The following SYTL3 variants were observed in gnomAD, a reference collection of about 807,000 sequenced individuals.
The protein encoded by SYTL3 is synaptotagmin-like protein 3.
Under a neutral mutation model 82.1 loss-of-function variants are expected in SYTL3, and 88 were observed. The ratio of observed to expected loss-of-function variants is 1.07; its 90% confidence interval spans 0.90 to 1.28. The LOEUF (loss-of-function observed/expected upper bound fraction) is 1.28. Ranked by LOEUF, SYTL3 falls within the 50% of genes most tolerant of loss-of-function variation. The pLI is 0.00. For missense variants in SYTL3, 831 were observed against 757.6 expected (o/e 1.10, Z -1.14); for synonymous variants, 311 against 289.4 (o/e 1.07, Z -0.76).
At position 158,763,355 on chromosome 6, in the gene SYTL3, G is replaced by C. The variant is rs1166138235; in HGVS notation, c.1569G>C (p.Leu523=). Reference sequence around the variant, plus strand: ...AACTGAGACTGAAGTCGCCAGTCCTGAGGAAGCAGGCTTGCCCCCAGTGGA... The same window carrying C: ...AACTGAGACTGAAGTCGCCAGTCCTCAGGAAGCAGGCTTGCCCCCAGTGGA... ...QQKLRLKSPV[L]RKQACPQWKH... is the part of the protein sequence containing the mutation. The change falls in exon 17 of 18, where the codon CTG becomes CTC. Residue 523 remains leucine, a synonymous_variant. Coordinates refer to ENST00000611299, the MANE Select transcript of SYTL3 (RefSeq NM_001242394.2). 6.2e-7 allele frequency: 1 copy of C among 1,614,138 alleles called. No homozygotes were observed. The highest frequency in any genetic ancestry group is 8.5e-7 in the Non-Finnish European group (1 of 1,180,054).
chr6:158,647,728 G>A (rs573963620), upstream of SYTL3, among the ~76,000 whole-genome samples: 2 of 152,362 alleles, frequency 1.3e-5, no homozygotes, highest in African/African-American at 4.8e-5. Flanking sequence ...ACCTTTACTC[G>A]TAACTGCTCA....
intron 5 of SYTL3, among the ~76,000 whole-genome samples, chr6:158,678,627 G>T (rs909657012): frequency 2.0e-5 from 3 of 152,160 alleles, no homozygotes; most frequent in African/African-American, 7.2e-5. Context: ...AGAATTCAGG[G>T]CTGTGAAAAT....
chr6:158,696,183 C>T (rs6926494), intron 6 of SYTL3, among the ~76,000 whole-genome samples: 6,389 of 152,098 alleles, frequency 0.042, 203 homozygotes, highest in Middle Eastern at 0.12. Context: ...TTTTCACAAC[C>T]ACACTAACAC....
At chr6:158,665,804 A>AT (rs1235583419) in intron 5 of SYTL3, among the ~76,000 whole-genome samples, 191 bp downstream of exon 5, 1 of 152,036 alleles carries the variant, frequency 6.6e-6, no homozygotes, top group Non-Finnish European at 1.5e-5. Context: ...ATGTAGCAAC[A>AT]TTTTTTTCAT....
In SYTL3 at chr6:158,725,607, C is replaced by T. The variant is rs2128481030; in HGVS notation, c.825C>T (p.Pro275=). ...AGAATCTCCCATCCAGTCCGGCACC[C>T]AGTACCATATTCTCTGGAGGTTTTA... ...KQQNLPSSPA[P]STIFSGGFRH... is the part of the protein sequence containing the mutation. Residue 275 remains proline (P), a synonymous_variant, in exon 11 of 18, where the codon CCC becomes CCT. Coordinates refer to ENST00000611299, the MANE Select transcript of SYTL3 (RefSeq NM_001242394.2). 1 of 1,614,220 alleles carries T rather than the reference C, an allele frequency of 6.2e-7. No homozygotes were observed.
intron 6 of SYTL3, among the ~76,000 whole-genome samples, chr6:158,683,377 C>T (rs921258881): frequency 2.0e-5 from 3 of 152,116 alleles, no homozygotes; most frequent in African/African-American, 7.2e-5. Context: ...CGTGCCACCA[C>T]AGTCGGCTAA....
intron 11 of SYTL3, among the ~76,000 whole-genome samples, chr6:158,740,617 A>G (rs1786807386): frequency 6.6e-6 from 1 of 152,166 alleles, no homozygotes; most frequent in Non-Finnish European, 1.5e-5. Flanking sequence ...GCATCCCAGG[A>G]AATTCCTTAG....
intron 6 of SYTL3, among the ~76,000 whole-genome samples, chr6:158,704,361 G>A (rs1040005625): frequency 2.6e-5 from 4 of 152,254 alleles, no homozygotes; most frequent in Non-Finnish European, 5.9e-5. Context: ...GCCCCGCGTC[G>A]CTGCAGCCGG....
chr6:158,656,360 C>A (rs1788675537), intron 2 of SYTL3, among the ~76,000 whole-genome samples: 1 of 152,222 alleles, frequency 6.6e-6, no homozygotes, highest in Admixed American at 6.5e-5. Context: ...CGTTTGCCTG[C>A]AAGCAGGTGG....
chr6:158,725,047 A>C (rs1388714818), intron 10 of SYTL3, among the ~76,000 whole-genome samples: 1 of 152,234 alleles, frequency 6.6e-6, no homozygotes, highest in East Asian at 1.9e-4. Context: ...AAATAAAAAA[A>C]GCATCAACTG....
At chr6:158,764,413 C>A in intron 17 of SYTL3, 82 bp from the exon 18 acceptor site, 2 of 1,072,770 alleles carry the variant, frequency 1.9e-6, no homozygotes, top group East Asian at 2.4e-5. Context: ...AAACTTCTGG[C>A]TGGTCATCAT....
chr6:158,710,862 C>T (rs181164789), intron 8 of SYTL3, among the ~76,000 whole-genome samples: 7 of 151,970 alleles, frequency 4.6e-5, no homozygotes, highest in Non-Finnish European at 1.0e-4. Flanking sequence ...CCCATCACAC[C>T]CTCCACCTCC....
rs766057389 is a variant in SYTL3, at chr6:158,707,292, C to G, written c.446+11C>G. On this transcript the variant is annotated intron_variant, in intron 7 of 17. Transcript: ENST00000611299. ...TTATCAGAAGCTGAGGTGAGTGTTA[C>G]AAAGGACAGACCGTCCCTGGCCCTC... 1.2e-6 allele frequency: 2 copies of G among 1,613,522 alleles called. No individual in the cohort carries two copies. Among genetic ancestry groups the G allele is most frequent in the South Asian group, 1.1e-5 (1 of 91,080 alleles).
intron 12 of SYTL3, among the ~76,000 whole-genome samples, chr6:158,746,822 TA>T (rs11460658): frequency 8.2e-4 from 119 of 145,864 alleles, no homozygotes; most frequent in East Asian, 3.0e-3. Context: ...CAACTTGTTT[TA>T]AAAAAAAAAA....
At chr6:158,747,318 A>G (rs1787788274) in intron 12 of SYTL3, among the ~76,000 whole-genome samples, 1 of 152,140 alleles carries the variant, frequency 6.6e-6, no homozygotes, top group African/African-American at 2.4e-5. Flanking sequence ...TTCTATTCAT[A>G]TCTTTTGCCC....
intron 2 of SYTL3, among the ~76,000 whole-genome samples, chr6:158,656,478 C>A (rs1788689934): frequency 6.6e-6 from 1 of 152,204 alleles, no homozygotes; most frequent in Non-Finnish European, 1.5e-5. Context: ...GTAATCCCAG[C>A]ACTTTGGGAG....
chr6:158,734,820 C>A (rs943748095), intron 11 of SYTL3, among the ~76,000 whole-genome samples: 4 of 152,180 alleles, frequency 2.6e-5, no homozygotes, highest in African/African-American at 9.7e-5. Flanking sequence ...TTGGGTTAAT[C>A]CTAATCATAG....
chr6:158,645,005 G>C, the SYTL3 span, among the ~76,000 whole-genome samples: 2 of 152,192 alleles, frequency 1.3e-5, no homozygotes, highest in Non-Finnish European at 2.9e-5. Context: ...CAAAACACAC[G>C]TACAAAAGGC....
chr6:158,671,406 G>T (rs2128383344), intron 5 of SYTL3, among the ~76,000 whole-genome samples: 1 of 152,308 alleles, frequency 6.6e-6, no homozygotes, highest in Admixed American at 6.5e-5. Flanking sequence ...CCCCAAGAGA[G>T]TTTTTCTGGG....
Sources: allele counts gnomAD v4.1 joint callset (sites outside exome capture counted in the v4.1 genomes callset), GRCh38; gene constraint gnomAD v4.1.1; transcripts MANE v1.5; gene names NCBI Gene and HGNC (gene_info 2026-07-23, HGNC 2026-07-21).